NCKAP5: variants seen among roughly 807,000 people sequenced by gnomAD.
The protein encoded by NCKAP5 is nck-associated protein 5.
In NCKAP5, 92 loss-of-function variants were observed where a neutral mutation model predicts 167.0. That is an observed-to-expected ratio of 0.55 (90% CI 0.47 to 0.66). The LOEUF is 0.66. NCKAP5 is among the 30% of genes least tolerant of loss of function. The probability of loss-of-function intolerance (pLI) is 0.00; values close to 1 mark genes in which losing one functional copy is unlikely to be tolerated. For missense variants in NCKAP5, 2,378 were observed against 2,315.0 expected, an observed-to-expected ratio of 1.03 and a Z score of -0.56; for synonymous variants, 891 against 877.4, an observed-to-expected ratio of 1.02 and a Z score of -0.27.
intron 6 of NCKAP5, among the ~76,000 whole-genome samples, chr2:133,080,242 T>C (rs72998835): frequency 0.038 from 5,747 of 152,224 alleles, 204 homozygotes; most frequent in African/African-American, 0.094. Flanking sequence ...ATTAGTTGAT[T>C]ATCAAATTCT....
chr2:133,059,131 C>G (rs534903704), intron 6 of NCKAP5, among the ~76,000 whole-genome samples: 49 of 151,406 alleles, frequency 3.2e-4, no homozygotes, highest in Non-Finnish European at 6.2e-4. Flanking sequence ...AACCCTGTCT[C>G]TACTAAAAAT....
intron 5 of NCKAP5, among the ~76,000 whole-genome samples, chr2:133,174,420 A>G (rs73000868): frequency 0.046 from 6,945 of 152,216 alleles, 510 homozygotes; most frequent in African/African-American, 0.16. Flanking sequence ...AACATATATC[A>G]TGGAAGAGAT....
intron 19 of NCKAP5, among the ~76,000 whole-genome samples, chr2:132,717,968 T>C (rs1439285266): frequency 6.6e-6 from 1 of 152,142 alleles, no homozygotes; most frequent in Admixed American, 6.5e-5. Flanking sequence ...TATTTGGAGA[T>C]GTACATAATT....
chr2:132,948,512 A>G (rs568107084), intron 8 of NCKAP5, among the ~76,000 whole-genome samples: 1 of 152,218 alleles, frequency 6.6e-6, no homozygotes. Context: ...ACAGGCAGTT[A>G]GAGAAAACAG....
intron 16 of NCKAP5, among the ~76,000 whole-genome samples, chr2:132,759,512 T>A (rs1402338299): frequency 6.6e-6 from 1 of 152,090 alleles, no homozygotes; most frequent in South Asian, 2.1e-4. Context: ...ATATTTTCAC[T>A]GGGAAAAAAG....
Position 133,517,546 on chromosome 2 carries a change from C to A in NCKAP5, c.-20G>T. On this transcript the variant is annotated 5_prime_UTR_variant, in exon 3 of 20. Transcript: ENST00000409261. ...CTCCATGGATGAAGTTATTTATTTTCTTTTGTGACTTATAAGAATCCCCCG... is the reference window on the plus strand; with the variant it reads ...CTCCATGGATGAAGTTATTTATTTTATTTTGTGACTTATAAGAATCCCCCG... 6.8e-7 allele frequency: 1 copy of A among 1,480,346 alleles called. No homozygotes were observed. The allele number at this position is 1,480,346 out of a possible 1,614,324, so 91.7% of individuals were successfully genotyped here.
At chr2:132,994,328 T>A (rs1407443958) in intron 6 of NCKAP5, 89 bp from the exon 7 acceptor site, 3 of 867,060 alleles carry the variant, frequency 3.5e-6, no homozygotes, top group Middle Eastern at 6.1e-4. Context: ...CTTCTATGCG[T>A]ATTTCCCAAG....
At chr2:132,937,304 T>C (rs1696928786) in intron 8 of NCKAP5, among the ~76,000 whole-genome samples, 1 of 152,232 alleles carries the variant, frequency 6.6e-6, no homozygotes, top group Non-Finnish European at 1.5e-5. Flanking sequence ...TTGCTGGAGA[T>C]GCTTACAAAA....
intron 6 of NCKAP5, among the ~76,000 whole-genome samples, chr2:133,014,905 C>T (rs1431104660): frequency 6.6e-6 from 1 of 152,164 alleles, no homozygotes; most frequent in East Asian, 1.9e-4. Context: ...AGTTGATTCA[C>T]ATAGAATTGC....
intron 5 of NCKAP5, among the ~76,000 whole-genome samples, chr2:133,208,165 C>A (rs575694956): frequency 2.5e-4 from 38 of 152,156 alleles, no homozygotes; most frequent in Non-Finnish European, 3.8e-4. Context: ...ATGGCGAGAC[C>A]CTGTCTCTAC....
chr2:133,401,641 C>G (rs1445312754), intron 3 of NCKAP5, among the ~76,000 whole-genome samples: 1 of 152,084 alleles, frequency 6.6e-6, no homozygotes, highest in Non-Finnish European at 1.5e-5. Context: ...AGGTAGAAAC[C>G]AATCATCATA....
chr2:133,211,161 A>G (rs1369003611), intron 5 of NCKAP5, among the ~76,000 whole-genome samples: 1 of 152,024 alleles, frequency 6.6e-6, no homozygotes, highest in African/African-American at 2.4e-5. Flanking sequence ...CCCATGGTAA[A>G]AACTCCTTCA....
chr2:132,993,666 C>T (rs1267346408), intron 7 of NCKAP5, among the ~76,000 whole-genome samples: 4 of 152,208 alleles, frequency 2.6e-5, no homozygotes, highest in Admixed American at 2.0e-4. Flanking sequence ...CACAAGCCTG[C>T]TGTGAAGATT....
intron 4 of NCKAP5, among the ~76,000 whole-genome samples, chr2:133,216,257 TAAA>T (rs2086424372): frequency 6.6e-6 from 1 of 152,008 alleles, no homozygotes; most frequent in Non-Finnish European, 1.5e-5. Context: ...AGAAATCCAA[TAAA>T]TAATTGGATT....
At chr2:133,447,141 C>T (rs561306202) in intron 3 of NCKAP5, among the ~76,000 whole-genome samples, 1 of 152,258 alleles carries the variant, frequency 6.6e-6, no homozygotes, top group South Asian at 2.1e-4. Context: ...CGACTTTGAA[C>T]TCCATCTCTA....
At chr2:133,528,886 C>T (rs1041247636) in intron 2 of NCKAP5, among the ~76,000 whole-genome samples, 1 of 152,198 alleles carries the variant, frequency 6.6e-6, no homozygotes, top group African/African-American at 2.4e-5. Flanking sequence ...AAATGGGTCA[C>T]ATTGTCTTTC....
intron 5 of NCKAP5, among the ~76,000 whole-genome samples, chr2:133,185,813 C>A (rs544863261): frequency 6.6e-6 from 1 of 152,066 alleles, no homozygotes; most frequent in East Asian, 1.9e-4. Context: ...TAATTTTGTA[C>A]CCTGAAACTC....
intron 2 of NCKAP5, among the ~76,000 whole-genome samples, chr2:133,538,964 G>C: frequency 1.7e-5 from 2 of 116,590 alleles, no homozygotes; most frequent in Admixed American, 2.1e-4. Flanking sequence ...TTTTTGAGAC[G>C]GAGTCTCACT....
At chr2:132,870,382 T>G (rs1487434445) in intron 9 of NCKAP5, among the ~76,000 whole-genome samples, 2 of 152,216 alleles carry the variant, frequency 1.3e-5, no homozygotes, top group African/African-American at 4.8e-5. Flanking sequence ...ACATTTAATG[T>G]GATAACTGAA....
Sources: gnomAD v4.1 joint callset for allele counts (sites outside exome capture counted in the v4.1 genomes callset) on GRCh38, gnomAD v4.1.1 for gene constraint, MANE v1.5 for transcripts, NCBI Gene and HGNC (gene_info 2026-07-23, HGNC 2026-07-21) for gene names.